Variants in PLEKHA5 observed in about 807,000 individuals in gnomAD.
PLEKHA5 encodes the protein pleckstrin homology domain-containing family A member 5.
A neutral mutation model predicts 181.9 loss-of-function variants in PLEKHA5; 55 were observed. The observed-to-expected ratio is 0.30, with a 90% confidence interval of 0.24 to 0.38. The LOEUF is 0.38. PLEKHA5 is among the 10% of genes least tolerant of loss of function. The probability of loss-of-function intolerance (pLI) is 1.00; values close to 1 mark genes in which losing one functional copy is unlikely to be tolerated. For synonymous variants in PLEKHA5, 535 were observed against 529.4 expected (o/e 1.01, Z -0.15); for missense variants, 1,432 against 1,549.5 (o/e 0.92, Z 1.27).
Position 19,274,926 on chromosome 12 carries a change from A to C in PLEKHA5, c.1256A>C (p.Gln419Pro). The C allele has an allele frequency of 2.5e-6, 4 of 1,613,432 alleles. No individual in the cohort carries two copies. Among genetic ancestry groups the C allele is most frequent in the Non-Finnish European group, 3.4e-6 (4 of 1,180,016 alleles). The change falls in exon 11 of 32, where the codon CAG (glutamine) becomes CCG (proline). Residue 419 changes from glutamine (Q) to proline (P), a missense_variant. Around this residue, in one of 2 missense-constraint regions of PLEKHA5, gnomAD observed 1,143 missense variants for 1,168.4 expected, o/e 0.98. Coordinates refer to ENST00000429027, the MANE Select transcript of PLEKHA5 (RefSeq NM_001256470.2). ...RVIQRTNSMQ[Q>P]LEQWIKIQKG... ...ATACAGAGAACAAATTCAATGCAGC[A>C]GTTGGAACAGTGGATTAAAATCCAG...
chr12:19,200,019 C>G (rs1476565264), intron 3 of PLEKHA5, among the ~76,000 whole-genome samples: 1 of 151,942 alleles, frequency 6.6e-6, no homozygotes, highest in Non-Finnish European at 1.5e-5. Flanking sequence ...TTAGTGGGTA[C>G]AAACATACAG....
At chr12:19,232,419 A>T (rs142074778) in intron 3 of PLEKHA5, among the ~76,000 whole-genome samples, 13 of 152,270 alleles carry the variant, frequency 8.5e-5, no homozygotes, top group Non-Finnish European at 8.8e-5. Flanking sequence ...ATCTCGTACA[A>T]GAAGTGGAAA....
At chr12:19,280,065 T>G (rs1049224499) in intron 11 of PLEKHA5, among the ~76,000 whole-genome samples, 107 of 74,902 alleles carry the variant, frequency 1.4e-3, no homozygotes, top group Admixed American at 4.8e-3. Flanking sequence ...TTTTTTTTTT[T>G]GGAGACAGGG....
chr12:19,150,471 T>C (rs970586798), intron 3 of PLEKHA5: 14 of 152,224 alleles, frequency 9.2e-5, no homozygotes, highest in African/African-American at 3.1e-4. Flanking sequence ...GTGGCACTTA[T>C]CACTGGTTAA....
intron 3 of PLEKHA5, among the ~76,000 whole-genome samples, chr12:19,163,412 C>T (rs1395974103): frequency 1.3e-5 from 2 of 152,070 alleles, no homozygotes; most frequent in African/African-American, 2.4e-5. Flanking sequence ...CTCCTGACCT[C>T]GTGATCCGCC....
At chr12:19,369,494 A>G (rs2095523077) in intron 30 of PLEKHA5, among the ~76,000 whole-genome samples, 199 bp from the exon 31 acceptor site, 1 of 152,020 alleles carries the variant, frequency 6.6e-6, no homozygotes, top group South Asian at 2.1e-4. Flanking sequence ...AGCCTGGTCA[A>G]CATGGTGAGA....
chr12:19,275,544 G>A (rs1431414363), intron 11 of PLEKHA5, among the ~76,000 whole-genome samples: 2 of 152,068 alleles, frequency 1.3e-5, no homozygotes, highest in Non-Finnish European at 2.9e-5. Context: ...CAGGAGAATC[G>A]TTTGATGCCA....
At chr12:19,348,854 C>T (rs1165589065) in intron 25 of PLEKHA5, among the ~76,000 whole-genome samples, 2 of 151,908 alleles carry the variant, frequency 1.3e-5, no homozygotes, top group African/African-American at 2.4e-5. Context: ...CCCAGTTACC[C>T]GGGAGGCTGA....
At chr12:19,347,466 T>C (rs1268767530) in intron 24 of PLEKHA5, among the ~76,000 whole-genome samples, 2 of 152,082 alleles carry the variant, frequency 1.3e-5, no homozygotes, top group African/African-American at 4.8e-5. Flanking sequence ...CAGCCGTATT[T>C]TAGATATACC....
At chr12:19,370,519 C>T (rs1322275830) in intron 31 of PLEKHA5, among the ~76,000 whole-genome samples, 1 of 152,034 alleles carries the variant, frequency 6.6e-6, no homozygotes, top group Non-Finnish European at 1.5e-5. Flanking sequence ...TATAAAAGCT[C>T]TGGTGTAGAG....
chr12:19,230,577 C>T (rs1592139901), intron 3 of PLEKHA5, among the ~76,000 whole-genome samples: 1 of 152,182 alleles, frequency 6.6e-6, no homozygotes, highest in African/African-American at 2.4e-5. Context: ...GCACCCGGCG[C>T]CCCCTCCACA....
At chr12:19,238,556 T>A (rs893453131) in intron 3 of PLEKHA5, among the ~76,000 whole-genome samples, 3 of 152,164 alleles carry the variant, frequency 2.0e-5, no homozygotes, top group Non-Finnish European at 4.4e-5. Context: ...AGAGGAATAT[T>A]TCTATTCCCT....
chr12:19,252,315 CAAAAG>C (rs1445425320), intron 3 of PLEKHA5, among the ~76,000 whole-genome samples: 2 of 152,030 alleles, frequency 1.3e-5, no homozygotes, highest in Non-Finnish European at 2.9e-5. Context: ...TTAAGATTAA[CAAAAG>C]AAAACTAATA....
chr12:19,254,950 A>T, intron 4 of PLEKHA5, 95 bp from the exon 5 acceptor site: 1 of 1,072,832 alleles, frequency 9.3e-7, no homozygotes, highest in Non-Finnish European at 1.3e-6. Flanking sequence ...GTACTGTGAA[A>T]AAGTAGGACA....
intron 16 of PLEKHA5, among the ~76,000 whole-genome samples, chr12:19,316,345 T>C (rs1273456107): frequency 6.6e-6 from 1 of 152,016 alleles, no homozygotes; most frequent in Non-Finnish European, 1.5e-5. Flanking sequence ...GATGCGGAAG[T>C]CTGATAGTTT....
intron 3 of PLEKHA5, among the ~76,000 whole-genome samples, chr12:19,164,195 T>A (rs2043701181): frequency 7.8e-6 from 1 of 128,120 alleles, no homozygotes; most frequent in Non-Finnish European, 1.6e-5. Context: ...CCAGATGTTT[T>A]TGTTTTTTTT....
rs972140401 is a variant in PLEKHA5 at position 19,237,244 on chromosome 12, G to T, written c.228-16696G>T. Among the ~76,000 whole-genome samples, 45 of 152,070 alleles carry T rather than the reference G, an allele frequency of 3.0e-4. 1 individual carries two copies. Among genetic ancestry groups the T allele is most frequent in the Non-Finnish European group, 1.3e-4 (9 of 68,018 alleles). On this transcript the variant is annotated intron_variant, in intron 3 of 31. Coordinates refer to ENST00000429027, the MANE Select transcript of PLEKHA5 (RefSeq NM_001256470.2). Reference sequence around the variant, plus strand: ...TGTAGAAATATAAGTATATTCATTAGGTTTGCAAATGCTTGAACATTTTAA... The same window carrying T: ...TGTAGAAATATAAGTATATTCATTATGTTTGCAAATGCTTGAACATTTTAA...
chr12:19,277,519 T>C (rs559067134), intron 11 of PLEKHA5, among the ~76,000 whole-genome samples: 1 of 152,306 alleles, frequency 6.6e-6, no homozygotes, highest in Admixed American at 6.5e-5. Context: ...TTCTCTGGGT[T>C]CCTCCTACAT....
intron 9 of PLEKHA5, 61 bp downstream of exon 9, chr12:19,269,946 A>G: frequency 2.2e-6 from 2 of 892,620 alleles, no homozygotes; most frequent in South Asian, 1.4e-5. Flanking sequence ...ATGCCTTGCA[A>G]GTATTTCACT....
Sources: allele counts gnomAD v4.1 joint callset (sites outside exome capture counted in the v4.1 genomes callset), GRCh38; gene constraint gnomAD v4.1.1; regional missense constraint gnomAD v4.1.1; transcripts MANE v1.5; gene names NCBI Gene and HGNC (gene_info 2026-07-23, HGNC 2026-07-21).